Variants in MICOS10 observed in about 807,000 individuals in gnomAD.
MICOS10 encodes the protein mitochondrial contact site and cristae organizing system subunit 10.
In MICOS10, 5 loss-of-function variants were observed where a neutral mutation model predicts 13.4. The ratio of observed to expected loss-of-function variants is 0.37; its 90% CI spans 0.20 to 0.78. The LOEUF (loss-of-function observed/expected upper bound fraction) is 0.78, where lower values mean the gene tolerates loss of function less well. MICOS10 is among the 30% of genes least tolerant of loss of function. MICOS10 has a pLI of 0.47. For missense variants in MICOS10, 101 were observed against 94.6 expected (o/e 1.07, Z -0.28); for synonymous variants, 35 against 33.6 (o/e 1.04, Z -0.15).
At chr1:19,597,480 G>T (rs1415060596) in intron 1 of MICOS10, among the ~76,000 whole-genome samples, 1 of 152,224 alleles carries the variant, frequency 6.6e-6, no homozygotes. Flanking sequence ...GCGGGGAACC[G>T]GCTCAGGAGG....
chr1:19,601,548 G>A (rs1333097990), intron 1 of MICOS10, among the ~76,000 whole-genome samples: 4 of 145,370 alleles, frequency 2.8e-5, no homozygotes, highest in Non-Finnish European at 6.0e-5. Flanking sequence ...CTGCACTCCA[G>A]CCCAGACGAC....
chr1:19,601,812 A>G, intron 1 of MICOS10, among the ~76,000 whole-genome samples: 1 of 152,138 alleles, frequency 6.6e-6, no homozygotes, highest in Admixed American at 6.5e-5. Context: ...GTGGGCCCTT[A>G]CTTGTTACAC....
At position 19,609,299 on chromosome 1, in the gene MICOS10, C is replaced by T. The variant is rs142757599; in HGVS notation, c.64+12190C>T. Among the ~76,000 whole-genome samples, 782 of 152,064 alleles carry T rather than the reference C, an allele frequency of 5.1e-3. 5 individuals carry two copies. Among genetic ancestry groups the T allele is most frequent in the African/African-American group, 0.018 (738 of 41,474 alleles). ...AGCGAATTAAAATCATGAGATATAC[C>T]TACACACCCATTAAAATAGCTAAAA... On this transcript the variant is annotated intron_variant, in intron 1 of 3. Transcript: ENST00000322753.
At chr1:19,610,094 A>G (rs2094853511) in intron 1 of MICOS10, among the ~76,000 whole-genome samples, 1 of 152,160 alleles carries the variant, frequency 6.6e-6, no homozygotes, top group Admixed American at 6.6e-5. Context: ...GTTAGCTGAG[A>G]TCGCTCCACT....
intron 1 of MICOS10, among the ~76,000 whole-genome samples, chr1:19,602,502 G>T (rs1280622818): frequency 6.6e-6 from 1 of 152,164 alleles, no homozygotes; most frequent in African/African-American, 2.4e-5. Flanking sequence ...GAGCACTTTT[G>T]TATTTAAACA....
intron 3 of MICOS10, among the ~76,000 whole-genome samples, chr1:19,625,924 C>T (rs1274933161): frequency 6.6e-6 from 1 of 152,152 alleles, no homozygotes; most frequent in African/African-American, 2.4e-5. Context: ...GCCCAATCTG[C>T]CCCCAGGACC....
At chr1:19,608,483 A>T in intron 1 of MICOS10, 3 of 1,241,752 alleles carry the variant, frequency 2.4e-6, no homozygotes, top group African/African-American at 1.5e-5. Flanking sequence ...CTGCTCGGGT[A>T]TGAAGATCGG....
intron 1 of MICOS10, among the ~76,000 whole-genome samples, chr1:19,606,254 TA>T (rs762291561): frequency 1.3e-5 from 2 of 152,144 alleles, no homozygotes; most frequent in Non-Finnish European, 2.9e-5. Context: ...CAAGCCTACA[TA>T]AATGAGCATG....
At chr1:19,605,150 T>G (rs567873534) in intron 1 of MICOS10, among the ~76,000 whole-genome samples, 1 of 152,278 alleles carries the variant, frequency 6.6e-6, no homozygotes, top group South Asian at 2.1e-4. Flanking sequence ...TATCACATGT[T>G]AATGCAGGAG....
At chr1:19,625,742 A>G (rs79505676) in intron 3 of MICOS10, 2 of 1,113,852 alleles carry the variant, frequency 1.8e-6, no homozygotes, top group African/African-American at 1.6e-5. Context: ...TCCTGTGGAA[A>G]ATATTGTTCC....
Position 19,629,726 on chromosome 1 carries a change from T to C in MICOS10, c.*3325T>C, listed in dbSNP as rs1351522661. ...ATTTTTTAAAAATGTAACCAACCCA[T>C]AATTGCATTTTACTTGTCGTGGTTC... On this transcript the variant is annotated 3_prime_UTR_variant, in exon 4 of 4. Transcript: ENST00000322753. 2.0e-5 allele frequency: 3 copies of C among 152,244 alleles called. No homozygotes were observed. The East Asian group carries it at 5.8e-4, about 29-fold the overall frequency. The allele number at this position is 152,244 out of a possible 1,614,324, so 9.4% of individuals were successfully genotyped here. A position where few individuals can be genotyped will look rare whatever the true frequency, so the allele number is the denominator to read the frequency against.
intron 1 of MICOS10, among the ~76,000 whole-genome samples, chr1:19,605,287 C>T (rs2094830632): frequency 6.6e-6 from 1 of 152,174 alleles, no homozygotes; most frequent in Admixed American, 6.5e-5. Context: ...TCATGGCATA[C>T]ATTTTCCTAT....
rs1159057489 is a variant in MICOS10 at position 19,628,405 on chromosome 1, C to T, written c.*2004C>T. 8 of 94,264 alleles carry T rather than the reference C, an allele frequency of 8.5e-5. No individual in the cohort carries two copies. Among genetic ancestry groups the T allele is most frequent in the African/African-American group, 1.4e-4 (5 of 34,936 alleles). The allele number at this position is 94,264 out of a possible 1,614,324, so 5.8% of individuals were successfully genotyped here. Reference sequence around the variant, plus strand: ...TTTGCTTTAAAAGTAATTTCCTGGCCGGATGCGGTGGCTCACACCTGTAAT... The same window carrying T: ...TTTGCTTTAAAAGTAATTTCCTGGCTGGATGCGGTGGCTCACACCTGTAAT... On this transcript the variant is annotated 3_prime_UTR_variant, in exon 4 of 4. Coordinates refer to ENST00000322753, the MANE Select transcript of MICOS10 (RefSeq NM_001032363.4).
rs746206079 is a variant in MICOS10 at position 19,597,031 on chromosome 1, G to T, written c.-15G>T. ...GGGCCGGCCGAGAGGAAAGCTGGAG[G>T]CGCGGGTGGGGAACATGTCTGAGTC... On this transcript the variant is annotated 5_prime_UTR_variant, in exon 1 of 4. Coordinates refer to ENST00000322753, the MANE Select transcript of MICOS10 (RefSeq NM_001032363.4). 2 of 1,580,058 alleles carry T rather than the reference G, an allele frequency of 1.3e-6. No homozygotes were observed. Among genetic ancestry groups the T allele is most frequent in the Admixed American group, 1.9e-5 (1 of 52,650 alleles).
chr1:19,624,163 A>G (rs2094914329), intron 3 of MICOS10, among the ~76,000 whole-genome samples: 1 of 151,622 alleles, frequency 6.6e-6, no homozygotes, highest in African/African-American at 2.4e-5. Flanking sequence ...GTATTTTAGT[A>G]GAGACGGAGC....
intron 1 of MICOS10, chr1:19,601,030 C>T (rs985879007): frequency 3.0e-5 from 38 of 1,286,674 alleles, no homozygotes; most frequent in Admixed American, 4.6e-5. Flanking sequence ...CAGGGTTCAC[C>T]AGGGTTATTT....
At chr1:19,610,120 G>T (rs1281203220) in intron 1 of MICOS10, among the ~76,000 whole-genome samples, 1 of 152,028 alleles carries the variant, frequency 6.6e-6, no homozygotes, top group Non-Finnish European at 1.5e-5. Flanking sequence ...CCAGCCTGGG[G>T]ACAGAGTGAG....
chr1:19,608,003 T>C (rs2094841764), intron 1 of MICOS10: 1 of 627,388 alleles, frequency 1.6e-6, no homozygotes, highest in Non-Finnish European at 2.9e-6. Context: ...GGTTTCCATA[T>C]AGAGAAAAAA....
chr1:19,599,465 A>C lies in MICOS10; in HGVS notation c.64+2356A>C, dbSNP rs978018693. On this transcript the variant is annotated intron_variant, in intron 1 of 3. Coordinates refer to ENST00000322753, the MANE Select transcript of MICOS10 (RefSeq NM_001032363.4). Reference sequence around the variant, plus strand: ...ACGTTGATAGGGGTGCAGCATATACATGTGGAGTAATTAAATGAGGCAAGG... The same window carrying C: ...ACGTTGATAGGGGTGCAGCATATACCTGTGGAGTAATTAAATGAGGCAAGG... 4.6e-5 allele frequency among the ~76,000 whole-genome samples: 7 copies of C among 152,308 alleles called. No individual in the cohort carries two copies. The East Asian group carries it at 1.4e-3, about 29-fold the overall frequency.
Sources: gnomAD v4.1 joint callset for allele counts (sites outside exome capture counted in the v4.1 genomes callset) on GRCh38, gnomAD v4.1.1 for gene constraint, MANE v1.5 for transcripts, NCBI Gene and HGNC (gene_info 2026-07-23, HGNC 2026-07-21) for gene names.